WDR25: variants seen among roughly 807,000 people sequenced by gnomAD.
WDR25 encodes the protein WD repeat domain 25.
A neutral mutation model predicts 47.7 loss-of-function variants in WDR25; 35 were observed. That is an observed-to-expected ratio of 0.73 (90% CI 0.56 to 0.97). WDR25 has a LOEUF of 0.97. Ranked by LOEUF, WDR25 falls within the 50% of genes least tolerant of loss-of-function variation. WDR25 has a pLI of 0.00. For missense variants in WDR25, 634 were observed against 704.7 expected, an observed-to-expected ratio of 0.90 and a Z score of 1.14; for synonymous variants, 248 against 278.9, an observed-to-expected ratio of 0.89 and a Z score of 1.10.
At chr14:100,469,745 A>G (rs1039008446) in intron 3 of WDR25, among the ~76,000 whole-genome samples, 2 of 152,194 alleles carry the variant, frequency 1.3e-5, no homozygotes, top group African/African-American at 2.4e-5. Context: ...GCCTCTATAC[A>G]GCATCTTATT....
intron 4 of WDR25, chr14:100,503,869 C>T (rs1411384797): frequency 1.3e-5 from 2 of 152,226 alleles, no homozygotes; most frequent in African/African-American, 4.8e-5. Flanking sequence ...ATTTCAGGCC[C>T]AGCTGATAAG....
chr14:100,463,848 C>G (rs7148571), intron 2 of WDR25, among the ~76,000 whole-genome samples: 2,039 of 152,274 alleles, frequency 0.013, 53 homozygotes, highest in African/African-American at 0.047. Flanking sequence ...CATATCCTAC[C>G]TCCAGTCCAG....
intron 4 of WDR25, among the ~76,000 whole-genome samples, chr14:100,489,467 A>G (rs774113926): frequency 8.5e-5 from 13 of 152,236 alleles, no homozygotes; most frequent in Non-Finnish European, 1.6e-4. Flanking sequence ...AGGATAAGTA[A>G]TAAAAATAAA....
At position 100,440,359 on chromosome 14, in the gene WDR25, G is replaced by A. The variant is rs1000125912; in HGVS notation, c.823-27662G>A. Among the ~76,000 whole-genome samples the A allele has an allele frequency of 1.3e-5, 2 of 152,244 alleles. No individual in the cohort carries two copies. The highest frequency in any genetic ancestry group is 4.8e-5 in the African/African-American group (2 of 41,464). On this transcript the variant is annotated intron_variant, in intron 2 of 6. Transcript: ENST00000402312. The surrounding 1 kb of genome is among the most constrained non-coding windows in gnomAD (Gnocchi z 4.4). Reference sequence around the variant, plus strand: ...CACAGTCAGGGAGCCCTTCGGCCACGGCAGCGGGGTGGCGCCAGACACCTG... The same window carrying A: ...CACAGTCAGGGAGCCCTTCGGCCACAGCAGCGGGGTGGCGCCAGACACCTG...
At chr14:100,418,662 G>T (rs1011035334) in intron 2 of WDR25, among the ~76,000 whole-genome samples, 1 of 150,882 alleles carries the variant, frequency 6.6e-6, no homozygotes, top group African/African-American at 2.4e-5. Flanking sequence ...TGAAAAATTT[G>T]CACAACAGCA....
intron 2 of WDR25, among the ~76,000 whole-genome samples, chr14:100,423,935 C>T (rs758648483): frequency 6.6e-6 from 1 of 152,170 alleles, no homozygotes; most frequent in African/African-American, 2.4e-5. Flanking sequence ...GCTGTCCATA[C>T]CTTATGATGG....
intron 2 of WDR25, among the ~76,000 whole-genome samples, chr14:100,456,816 A>G (rs1899219852): frequency 6.6e-6 from 1 of 152,236 alleles, no homozygotes; most frequent in East Asian, 1.9e-4. Flanking sequence ...CAGAAAAAAT[A>G]TTTAAAGAAA....
At chr14:100,457,488 G>A (rs1899243696) in intron 2 of WDR25, among the ~76,000 whole-genome samples, 1 of 152,156 alleles carries the variant, frequency 6.6e-6, no homozygotes, top group South Asian at 2.1e-4. Context: ...AAAAAGAAAG[G>A]CAGATTACTT....
intron 3 of WDR25, among the ~76,000 whole-genome samples, chr14:100,477,175 A>C (rs1595128903): frequency 6.6e-6 from 1 of 152,336 alleles, no homozygotes; most frequent in East Asian, 1.9e-4. Flanking sequence ...ACTATTCCAG[A>C]GTTCCCAGAT....
intron 3 of WDR25, among the ~76,000 whole-genome samples, chr14:100,479,088 C>T (rs1900114000): frequency 6.8e-6 from 1 of 146,436 alleles, no homozygotes; most frequent in Non-Finnish European, 1.5e-5. Flanking sequence ...GGTGTGGGGA[C>T]TGCAGTGGTA....
intron 2 of WDR25, among the ~76,000 whole-genome samples, chr14:100,419,332 C>T (rs1273449918): frequency 6.6e-6 from 1 of 152,070 alleles, no homozygotes; most frequent in African/African-American, 2.4e-5. Flanking sequence ...TGCTGTCTAC[C>T]CTGTGATGTG....
At chr14:100,489,947 A>G (rs1900508008) in intron 4 of WDR25, among the ~76,000 whole-genome samples, 1 of 152,214 alleles carries the variant, frequency 6.6e-6, no homozygotes, top group East Asian at 1.9e-4. Context: ...CTAATCGTCA[A>G]TATTTCATGC....
intron 2 of WDR25, among the ~76,000 whole-genome samples, chr14:100,394,973 A>C (rs902910745): frequency 1.8e-4 from 28 of 152,260 alleles, no homozygotes; most frequent in East Asian, 7.7e-4. Flanking sequence ...TCTCAAAAAA[A>C]AACAACAACA....
At chr14:100,414,368 A>G (rs1274875747) in intron 2 of WDR25, among the ~76,000 whole-genome samples, 2 of 135,742 alleles carry the variant, frequency 1.5e-5, no homozygotes, top group Admixed American at 8.1e-5. Context: ...GCTGGAGTGC[A>G]GTGGTGCAAT....
At chr14:100,442,370 G>C (rs1310834040) in intron 2 of WDR25, among the ~76,000 whole-genome samples, 1 of 152,208 alleles carries the variant, frequency 6.6e-6, no homozygotes, top group Non-Finnish European at 1.5e-5. Context: ...CCCTGGGGGA[G>C]CTCCCAGGCT....
intron 4 of WDR25, among the ~76,000 whole-genome samples, chr14:100,489,185 G>C (rs562718329): frequency 1.3e-5 from 2 of 152,256 alleles, no homozygotes; most frequent in Non-Finnish European, 2.9e-5. Context: ...ATGAGATATG[G>C]TGTGGCCATC....
At chr14:100,482,635 T>A (rs999595848) in intron 3 of WDR25, among the ~76,000 whole-genome samples, 4 of 152,082 alleles carry the variant, frequency 2.6e-5, no homozygotes, top group Admixed American at 1.3e-4. Flanking sequence ...CTCATGTGAC[T>A]GTCATGAGTA....
At chr14:100,403,863 TC>T in intron 2 of WDR25, among the ~76,000 whole-genome samples, 1 of 152,270 alleles carries the variant, frequency 6.6e-6, no homozygotes, top group South Asian at 2.1e-4. Context: ...TGATCAATAT[TC>T]CAGTTTGCTT....
intron 4 of WDR25, among the ~76,000 whole-genome samples, chr14:100,515,137 T>C (rs1487385725): frequency 2.6e-5 from 4 of 152,206 alleles, no homozygotes; most frequent in Admixed American, 2.0e-4. Context: ...AAGATTTTTC[T>C]CTTTACCATT....
Sources: allele counts gnomAD v4.1 joint callset (sites outside exome capture counted in the v4.1 genomes callset), GRCh38; gene constraint gnomAD v4.1.1; non-coding constraint Gnocchi (gnomAD v3.1); transcripts MANE v1.5; gene names NCBI Gene and HGNC (gene_info 2026-07-23, HGNC 2026-07-21).